Variants in ARHGAP44 observed in about 807,000 individuals in gnomAD.
The protein encoded by ARHGAP44 is Rho GTPase activating protein 44.
A neutral mutation model predicts 106.8 loss-of-function variants in ARHGAP44; 43 were observed. That is an observed-to-expected ratio of 0.40 (90% CI 0.32 to 0.52). ARHGAP44 has a LOEUF of 0.52. Among genes scored for constraint, ARHGAP44 ranks in the 20% least tolerant of loss-of-function variants. The pLI is 0.48. For synonymous variants in ARHGAP44, 439 were observed against 410.3 expected (o/e 1.07, Z -0.85); for missense variants, 866 against 1,050.5 (o/e 0.82, Z 2.43).
At chr17:12,983,665 G>A (rs1345934611) in intron 19 of ARHGAP44, among the ~76,000 whole-genome samples, 9 of 151,902 alleles carry the variant, frequency 5.9e-5, no homozygotes, top group Non-Finnish European at 1.2e-4. Context: ...TTAGCCAGGC[G>A]TGGTGGTGGG....
intron 1 of ARHGAP44, among the ~76,000 whole-genome samples, chr17:12,826,480 A>G (rs554231279): frequency 6.6e-6 from 1 of 152,304 alleles, no homozygotes; most frequent in South Asian, 2.1e-4. Context: ...GCCAGAGCCA[A>G]CTTTGTTTTC....
rs1468559747 is a variant in ARHGAP44, at chr17:12,802,947, A to T, written c.53+13056A>T. On this transcript the variant is annotated intron_variant, in intron 1 of 20. Transcript: ENST00000379672. Reference sequence around the variant, plus strand: ...CTAATTTATATATATATATATATATATATATATATATATATATATATATTT... The same window carrying T: ...CTAATTTATATATATATATATATATTTATATATATATATATATATATATTT... 2.0e-4 allele frequency among the ~76,000 whole-genome samples: 3 copies of T among 15,352 alleles called. No homozygotes were observed. In the African/African-American group the frequency reaches 2.2e-3, roughly 11 times the overall value. 10.1% of individuals were successfully genotyped at this position (15,352 alleles called of 152,430 possible).
intron 7 of ARHGAP44, 144 bp downstream of exon 7, chr17:12,929,190 C>T (rs766207242): frequency 5.0e-5 from 34 of 679,180 alleles, no homozygotes; most frequent in Non-Finnish European, 8.2e-5. Context: ...GCTAGCATCT[C>T]CAAGGAGTCC....
At chr17:12,962,751 AAATC>A (rs778108786) in intron 16 of ARHGAP44, among the ~76,000 whole-genome samples, 6 of 152,194 alleles carry the variant, frequency 3.9e-5, no homozygotes, top group Admixed American at 6.5e-5. Context: ...TTTATTTAGA[AAATC>A]AATTTCTGGG....
Position 12,853,353 on chromosome 17 carries a change from A to G in ARHGAP44, c.54-41587A>G, listed in dbSNP as rs144004899. Among the ~76,000 whole-genome samples the G allele has an allele frequency of 7.6e-4, 116 of 152,330 alleles. 1 individual carries two copies. The highest frequency in any genetic ancestry group is 2.6e-3 in the African/African-American group (107 of 41,580). ...ATCATCTACATTTATAGCATATTAGACACTGAAGGACCGAAACGTGTCATG... is the reference window on the plus strand; with the variant it reads ...ATCATCTACATTTATAGCATATTAGGCACTGAAGGACCGAAACGTGTCATG... On this transcript the variant is annotated intron_variant, in intron 1 of 20. Transcript: ENST00000379672.
chr17:12,900,567 C>T (rs183502719), intron 3 of ARHGAP44, among the ~76,000 whole-genome samples: 11 of 152,236 alleles, frequency 7.2e-5, no homozygotes, highest in African/African-American at 1.2e-4. Flanking sequence ...AAAGTGCTAC[C>T]GTGTGGAAGT....
At chr17:12,817,109 A>G (rs562691747) in intron 1 of ARHGAP44, among the ~76,000 whole-genome samples, 1 of 150,598 alleles carries the variant, frequency 6.6e-6, no homozygotes, top group South Asian at 2.1e-4. Flanking sequence ...AATCTGTAAC[A>G]GAAAGATAAC....
intron 9 of ARHGAP44, among the ~76,000 whole-genome samples, 199 bp from the exon 10 acceptor site, chr17:12,943,870 C>T (rs2038771412): frequency 6.6e-6 from 1 of 152,146 alleles, no homozygotes; most frequent in Admixed American, 6.5e-5. Context: ...ACCCCAGTGG[C>T]CCTGGACGCA....
At chr17:12,794,710 C>G (rs1211856476) in intron 1 of ARHGAP44, among the ~76,000 whole-genome samples, 1 of 152,092 alleles carries the variant, frequency 6.6e-6, no homozygotes, top group East Asian at 1.9e-4. Flanking sequence ...GCTTTGCATA[C>G]ATTGCAAAGC....
intron 18 of ARHGAP44, among the ~76,000 whole-genome samples, chr17:12,977,862 A>AC (rs960703117): frequency 6.6e-6 from 1 of 151,858 alleles, no homozygotes; most frequent in African/African-American, 2.4e-5. Flanking sequence ...ACATGGTGAA[A>AC]CCCCGTCTGT....
In ARHGAP44 at chr17:12,952,508, G is replaced by T; in HGVS notation, c.1063G>T (p.Glu355Ter). Residue 355 changes from glutamate to a stop codon, truncating the protein, a stop_gained, in exon 13 of 21, where the codon GAG becomes TAG. Coordinates refer to ENST00000379672, the MANE Select transcript of ARHGAP44 (RefSeq NM_014859.6). LOFTEE classifies it high-confidence loss of function. ...DEWIQASNVQ[E>*]QDKKLQALWN... ...TTCCTATCAATTTCTCAGTGTCCAG[G>T]AGCAAGACAAGAAGCTTCAGGCTCT... 1 of 1,577,100 alleles carries T rather than the reference G, an allele frequency of 6.3e-7. No individual in the cohort carries two copies. Among genetic ancestry groups the T allele is most frequent in the South Asian group, 1.2e-5 (1 of 85,562 alleles).
intron 1 of ARHGAP44, among the ~76,000 whole-genome samples, chr17:12,888,231 A>T (rs75406040): frequency 6.6e-6 from 1 of 152,094 alleles, no homozygotes; most frequent in Non-Finnish European, 1.5e-5. Context: ...TTTCTAATGT[A>T]TAGATTTAAT....
At chr17:12,792,221 A>G (rs2033785155) in intron 1 of ARHGAP44, among the ~76,000 whole-genome samples, 2 of 151,984 alleles carry the variant, frequency 1.3e-5, no homozygotes, top group Non-Finnish European at 2.9e-5. Context: ...TTTTCTCATC[A>G]TTTCAGTCTT....
intron 20 of ARHGAP44, chr17:12,985,967 T>G (rs1466553500): frequency 6.6e-6 from 1 of 152,196 alleles, no homozygotes; most frequent in Non-Finnish European, 1.5e-5. Flanking sequence ...ATAATGCACT[T>G]TTCCCTCCAC....
At position 12,990,928 on chromosome 17, in the gene ARHGAP44, T is replaced by C. The variant is rs746247853; in HGVS notation, c.*757T>C. The C allele has an allele frequency of 2.6e-5, 4 of 152,588 alleles. No individual in the cohort carries two copies. The highest frequency in any genetic ancestry group is 6.5e-5 in the Admixed American group (1 of 15,284). The allele number at this position is 152,588 out of a possible 1,614,324, so 9.5% of individuals were successfully genotyped here. A position where few individuals can be genotyped will look rare whatever the true frequency, so the allele number is the denominator to read the frequency against. ...GGTGGCCTCCCTGTCCCCAAATATA[T>C]TGGCTATATGAGAGTAATTTTACCC... On this transcript the variant is annotated 3_prime_UTR_variant, in exon 21 of 21. Coordinates refer to ENST00000379672, the MANE Select transcript of ARHGAP44 (RefSeq NM_014859.6).
intron 3 of ARHGAP44, among the ~76,000 whole-genome samples, chr17:12,897,341 T>G (rs184984957): frequency 6.6e-6 from 1 of 152,082 alleles, no homozygotes; most frequent in South Asian, 2.1e-4. Context: ...GTTAGCCTCA[T>G]TTCTGTTGGA....
chr17:12,923,968 G>A (rs1283514996), intron 6 of ARHGAP44, among the ~76,000 whole-genome samples: 1 of 152,108 alleles, frequency 6.6e-6, no homozygotes, highest in Non-Finnish European at 1.5e-5. Context: ...TCTCCATAAA[G>A]CCAATGGCAC....
chr17:12,885,003 C>T (rs563112647), intron 1 of ARHGAP44, among the ~76,000 whole-genome samples: 6 of 152,246 alleles, frequency 3.9e-5, no homozygotes, highest in East Asian at 1.9e-4. Context: ...TGGGTTCAAG[C>T]GATTCTTCTG....
intron 1 of ARHGAP44, among the ~76,000 whole-genome samples, chr17:12,809,833 C>T (rs556572462): frequency 2.1e-4 from 32 of 152,232 alleles, no homozygotes; most frequent in African/African-American, 6.5e-4. Context: ...GTGGAACTTG[C>T]GGGAGCAGTG....
Sources: gnomAD v4.1 joint callset for allele counts (sites outside exome capture counted in the v4.1 genomes callset) on GRCh38, gnomAD v4.1.1 for gene constraint, MANE v1.5 for transcripts, NCBI Gene and HGNC (gene_info 2026-07-23, HGNC 2026-07-21) for gene names.